The following LOC128462377 variants were observed in gnomAD, a reference collection of about 807,000 sequenced individuals.
the LOC128462377 span, among the ~76,000 whole-genome samples, chr16:89,349,121 C>T: frequency 8.1e-3 from 143 of 17,644 alleles, no homozygotes; most frequent in Admixed American, 0.018. Flanking sequence ...GAGTAAAACA[C>T]TGTCTCAAAA....
chr16:89,357,699 A>G, the LOC128462377 span, among the ~76,000 whole-genome samples: 1 of 152,192 alleles, frequency 6.6e-6, no homozygotes, highest in Admixed American at 6.5e-5. Context: ...TGCCTGTCAC[A>G]GCCAATGCTG....
chr16:89,352,282 TGG>T, the LOC128462377 span, among the ~76,000 whole-genome samples: 23 of 151,940 alleles, frequency 1.5e-4, no homozygotes, highest in East Asian at 3.3e-3. Flanking sequence ...GATCTCACAG[TGG>T]CCAGGTATGC....
At chr16:89,322,047 G>C in the LOC128462377 span, among the ~76,000 whole-genome samples, 11 of 152,216 alleles carry the variant, frequency 7.2e-5, no homozygotes, top group African/African-American at 7.2e-5. Flanking sequence ...TACAAAATGT[G>C]TGTGACTGGC....
the LOC128462377 span, among the ~76,000 whole-genome samples, chr16:89,319,199 C>A: frequency 6.6e-6 from 1 of 152,266 alleles, no homozygotes; most frequent in Non-Finnish European, 1.5e-5. Flanking sequence ...CTCAACAGCT[C>A]TGGCGTGGTC....
chr16:89,321,517 G>A, the LOC128462377 span, among the ~76,000 whole-genome samples: 1 of 151,968 alleles, frequency 6.6e-6, no homozygotes, highest in African/African-American at 2.4e-5. Context: ...GGGCTGCCCA[G>A]GAGCACTCCT....
chr16:89,375,175 C>G, the LOC128462377 span, among the ~76,000 whole-genome samples: 2 of 152,120 alleles, frequency 1.3e-5, no homozygotes, highest in East Asian at 3.9e-4. Context: ...ACAGCCACAG[C>G]CTGTGCTACC....
chr16:89,341,799 C>G, the LOC128462377 span, among the ~76,000 whole-genome samples: 1 of 152,040 alleles, frequency 6.6e-6, no homozygotes, highest in Non-Finnish European at 1.5e-5. Context: ...ATGGCAGAGT[C>G]TGGCACGGAT....
the LOC128462377 span, among the ~76,000 whole-genome samples, chr16:89,395,186 G>A: frequency 6.6e-6 from 1 of 152,222 alleles, no homozygotes; most frequent in Non-Finnish European, 1.5e-5. Flanking sequence ...AAAAGTTAGA[G>A]GCTTGGTCAA....
chr16:89,356,779 T>A, the LOC128462377 span, among the ~76,000 whole-genome samples: 7 of 49,590 alleles, frequency 1.4e-4, no homozygotes, highest in East Asian at 2.1e-3. Context: ...AGACTCCGTC[T>A]CAAAAAAAAA....
the LOC128462377 span, among the ~76,000 whole-genome samples, chr16:89,329,139 T>C: frequency 4.3e-4 from 66 of 152,340 alleles, 2 homozygotes; most frequent in East Asian, 0.012. Context: ...CTCCCACGGC[T>C]TCCTCCAGGA....
the LOC128462377 span, among the ~76,000 whole-genome samples, chr16:89,357,487 C>G: frequency 6.6e-6 from 1 of 152,136 alleles, no homozygotes; most frequent in East Asian, 1.9e-4. Context: ...TACAAAAGGA[C>G]TAAGCATATG....
chr16:89,320,926 C>G, the LOC128462377 span, among the ~76,000 whole-genome samples: 1 of 152,252 alleles, frequency 6.6e-6, no homozygotes, highest in African/African-American at 2.4e-5. Context: ...GCTGGCAGGA[C>G]AGACGTGACA....
the LOC128462377 span, among the ~76,000 whole-genome samples, chr16:89,371,791 C>G: frequency 6.6e-6 from 1 of 152,192 alleles, no homozygotes; most frequent in African/African-American, 2.4e-5. Context: ...TCCATCAAGG[C>G]CACGCCCTCT....
chr16:89,363,870 T>A, the LOC128462377 span, among the ~76,000 whole-genome samples: 38 of 151,942 alleles, frequency 2.5e-4, no homozygotes, highest in African/African-American at 9.2e-4. Flanking sequence ...AGCCTGGCCA[T>A]CGTGGCAAAA....
chr16:89,322,195 TTTGTATTA>T, the LOC128462377 span, among the ~76,000 whole-genome samples: 2 of 152,226 alleles, frequency 1.3e-5, no homozygotes, highest in African/African-American at 4.8e-5. Context: ...TTTGCTGTAA[TTTGTATTA>T]AAACACCAAG....
the LOC128462377 span, among the ~76,000 whole-genome samples, chr16:89,414,738 C>G: frequency 6.6e-6 from 1 of 152,146 alleles, no homozygotes; most frequent in Non-Finnish European, 1.5e-5. Flanking sequence ...CCACACCTGG[C>G]CCAACCTCAG....
At chr16:89,341,947 G>GCC in the LOC128462377 span, among the ~76,000 whole-genome samples, 1 of 125,346 alleles carries the variant, frequency 8.0e-6, no homozygotes, top group African/African-American at 3.2e-5. Context: ...CCTCCTCCAC[G>GCC]AACAGCAGCC....
chr16:89,375,722 C>T, the LOC128462377 span, among the ~76,000 whole-genome samples: 26 of 143,354 alleles, frequency 1.8e-4, no homozygotes, highest in South Asian at 5.8e-3. Flanking sequence ...TCCCAAAGTG[C>T]TGAGATTACA....
At chr16:89,352,048 G>A in the LOC128462377 span, among the ~76,000 whole-genome samples, 2 of 152,156 alleles carry the variant, frequency 1.3e-5, no homozygotes, top group African/African-American at 4.8e-5. Flanking sequence ...ACAGGCACAA[G>A]CCACCAGGCC....
Sources: allele counts gnomAD v4.1 joint callset (sites outside exome capture counted in the v4.1 genomes callset), GRCh38; gene constraint gnomAD v4.1.1; transcripts MANE v1.5.